The following OR10J1 variants were observed in gnomAD, a reference collection of about 807,000 sequenced individuals.
OR10J1 encodes the protein olfactory receptor family 10 subfamily J member 1.
For missense variants in OR10J1, 474 were observed against 376.6 expected (o/e 1.26, Z -2.14); for synonymous variants, 202 against 143.8 (o/e 1.40, Z -2.89).
chr1:159,400,796 A>G, the OR10J1 span, among the ~76,000 whole-genome samples: 1 of 151,900 alleles, frequency 6.6e-6, no homozygotes, highest in African/African-American at 2.4e-5. Context: ...AGAACATTTC[A>G]TACAAGAGCT....
the OR10J1 span, among the ~76,000 whole-genome samples, chr1:159,397,910 G>A: frequency 6.6e-6 from 1 of 152,154 alleles, no homozygotes; most frequent in East Asian, 1.9e-4. Context: ...GTGAACATAG[G>A]CAGTAGCCAG....
chr1:159,434,373 G>T (rs916857922), upstream of OR10J1, among the ~76,000 whole-genome samples: 3 of 152,106 alleles, frequency 2.0e-5, no homozygotes, highest in Non-Finnish European at 4.4e-5. Flanking sequence ...TCCTATTCAT[G>T]ATATCTTGGA....
chr1:159,439,597 A>T (rs1655843351), upstream of OR10J1: 1 of 667,222 alleles, frequency 1.5e-6, no homozygotes, highest in Non-Finnish European at 2.5e-6. Flanking sequence ...AAATTATAAC[A>T]GATGGTCACA....
chr1:159,440,845 C>G lies in OR10J1; in HGVS notation c.*124C>G, dbSNP rs560042254. ...TAAATAAGAGGCAAAAGAGGAATAG[C>G]AGTTTCATACAACTGGGAGTCTGAA... On this transcript the variant is annotated 3_prime_UTR_variant, in exon 1 of 1. Coordinates refer to ENST00000423932, the MANE Select transcript of OR10J1 (RefSeq NM_012351.3). The G allele has an allele frequency of 1.6e-4, 153 of 976,592 alleles. No individual in the cohort carries two copies. The South Asian group carries it at 2.6e-3, about 16-fold the overall frequency. 60.5% of individuals were successfully genotyped at this position (976,592 alleles called of 1,614,324 possible).
At chr1:159,432,876 C>A, upstream of OR10J1, 1 of 416,668 alleles carries the variant, frequency 2.4e-6, no homozygotes, top group Admixed American at 4.1e-5. Flanking sequence ...ATTGTCACCA[C>A]CATCCTCAAG....
In OR10J1 at chr1:159,440,822, A is replaced by T; in HGVS notation, c.*101A>T. 7 of 1,244,012 alleles carry T rather than the reference A, an allele frequency of 5.6e-6. No homozygotes were observed. The highest frequency in any genetic ancestry group is 1.5e-5 in the African/African-American group (1 of 66,874). The allele number at this position is 1,244,012 out of a possible 1,614,324, so 77.1% of individuals were successfully genotyped here. A position where few individuals can be genotyped will look rare whatever the true frequency, so the allele number is the denominator to read the frequency against. On this transcript the variant is annotated 3_prime_UTR_variant, in exon 1 of 1. Transcript: ENST00000423932. Reference sequence around the variant, plus strand: ...TTGGCTCCTAGAGACCTGCCCCTTAAATAAGAGGCAAAAGAGGAATAGCAG... The same window carrying T: ...TTGGCTCCTAGAGACCTGCCCCTTATATAAGAGGCAAAAGAGGAATAGCAG...
At chr1:159,409,409 T>A in the OR10J1 span, among the ~76,000 whole-genome samples, 4 of 151,878 alleles carry the variant, frequency 2.6e-5, no homozygotes, top group East Asian at 7.7e-4. Flanking sequence ...GGCATCAAAT[T>A]CCACTTTCTT....
chr1:159,433,322 G>A (rs1326741517), upstream of OR10J1, among the ~76,000 whole-genome samples: 1 of 152,032 alleles, frequency 6.6e-6, no homozygotes, highest in Non-Finnish European at 1.5e-5. Context: ...GAAATAGATG[G>A]ATTTGCCAAG....
At chr1:159,434,146 A>T (rs1655669096), upstream of OR10J1, among the ~76,000 whole-genome samples, 1 of 152,182 alleles carries the variant, frequency 6.6e-6, no homozygotes, top group East Asian at 1.9e-4. Flanking sequence ...TTTATGGATG[A>T]GGAAACTGAG....
chr1:159,414,944 G>A, the OR10J1 span, among the ~76,000 whole-genome samples: 1 of 150,850 alleles, frequency 6.6e-6, no homozygotes, highest in East Asian at 2.0e-4. Context: ...TTACTGTTGA[G>A]GTGAGTTCCT....
At chr1:159,429,053 G>T in the OR10J1 span, among the ~76,000 whole-genome samples, 2 of 152,166 alleles carry the variant, frequency 1.3e-5, no homozygotes, top group Non-Finnish European at 2.9e-5. Context: ...TAAAAGGAAA[G>T]CAAGGTTGGG....
chr1:159,428,186 T>C, the OR10J1 span, among the ~76,000 whole-genome samples: 1 of 152,138 alleles, frequency 6.6e-6, no homozygotes, highest in African/African-American at 2.4e-5. Context: ...AAATGCAATG[T>C]GAAGAGAAAT....
the OR10J1 span, among the ~76,000 whole-genome samples, chr1:159,428,515 C>A: frequency 2.0e-5 from 3 of 152,080 alleles, no homozygotes; most frequent in African/African-American, 7.2e-5. Flanking sequence ...AAAGAAGAGA[C>A]ATTGACAAAA....
the OR10J1 span, among the ~76,000 whole-genome samples, chr1:159,407,644 T>C: frequency 0.065 from 9,949 of 152,204 alleles, 707 homozygotes; most frequent in East Asian, 0.41. Flanking sequence ...CAATCAATTT[T>C]ATAACTTATT....
Position 159,440,269 on chromosome 1 carries a change from G to A in OR10J1, c.478G>A (p.Val160Met), listed in dbSNP as rs1391631472. 6.2e-7 allele frequency: 1 copy of A among 1,614,168 alleles called. No homozygotes were observed. Among genetic ancestry groups the A allele is most frequent in the East Asian group, 2.2e-5 (1 of 44,870 alleles). ...SIGLIVAITQ[V>M]TSVFRLPFCA... Reference sequence around the variant, plus strand: ...TGGGCTGATTGTAGCAATAACGCAAGTGACATCTGTATTCAGGTTACCCTT... The same window carrying A: ...TGGGCTGATTGTAGCAATAACGCAAATGACATCTGTATTCAGGTTACCCTT... Residue 160 changes from valine (V) to methionine (M), a missense_variant, in exon 1 of 1, where the codon GTG becomes ATG. Val to Met is a conservative substitution (Grantham distance 21, BLOSUM62 1). Transcript: ENST00000423932.
the OR10J1 span, among the ~76,000 whole-genome samples, chr1:159,423,998 C>G: frequency 6.6e-6 from 1 of 152,032 alleles, no homozygotes; most frequent in Non-Finnish European, 1.5e-5. Context: ...GAGTGGGTCA[C>G]TAGGTCAGGA....
chr1:159,413,460 T>C, the OR10J1 span, among the ~76,000 whole-genome samples: 232 of 151,860 alleles, frequency 1.5e-3, 4 homozygotes, highest in East Asian at 0.026. Flanking sequence ...CAATGATAGA[T>C]TGGATTAAGA....
chr1:159,431,851 A>G, the OR10J1 span, among the ~76,000 whole-genome samples: 6 of 152,182 alleles, frequency 3.9e-5, no homozygotes, highest in African/African-American at 1.4e-4. Context: ...AGGATAAGCT[A>G]TGATGTTCAG....
chr1:159,415,234 G>C, the OR10J1 span, among the ~76,000 whole-genome samples: 3 of 151,920 alleles, frequency 2.0e-5, no homozygotes, highest in Non-Finnish European at 4.4e-5. Flanking sequence ...TCCATCTTGA[G>C]TTGATTTTTT....
Sources: allele counts gnomAD v4.1 joint callset (sites outside exome capture counted in the v4.1 genomes callset), GRCh38; gene constraint gnomAD v4.1.1; transcripts MANE v1.5; gene names NCBI Gene and HGNC (gene_info 2026-07-23, HGNC 2026-07-21).